The following SKAP1 variants were observed in gnomAD, a reference collection of about 807,000 sequenced individuals.
SKAP1 encodes the protein src kinase associated phosphoprotein 1.
In SKAP1, 44 loss-of-function variants were observed where a neutral mutation model predicts 58.5. The ratio of observed to expected loss-of-function variants is 0.75; its 90% CI spans 0.59 to 0.97. SKAP1 has a LOEUF of 0.97. Among genes scored for constraint, SKAP1 ranks in the 50% least tolerant of loss-of-function variants. The pLI is 0.00. For synonymous variants in SKAP1, 127 were observed against 149.7 expected, an observed-to-expected ratio of 0.85 and a Z score of 1.11; for missense variants, 390 against 435.2, an observed-to-expected ratio of 0.90 and a Z score of 0.92.
intron 11 of SKAP1, among the ~76,000 whole-genome samples, chr17:48,152,030 C>T (rs1414876881): frequency 6.6e-6 from 1 of 152,124 alleles, no homozygotes; most frequent in South Asian, 2.1e-4. Flanking sequence ...TTGTTCAAAT[C>T]TGAGGATTTA....
intron 4 of SKAP1, among the ~76,000 whole-genome samples, chr17:48,254,391 T>C (rs192599206): frequency 1.2e-3 from 188 of 152,302 alleles, no homozygotes; most frequent in African/African-American, 4.1e-3. Flanking sequence ...TTTAAATCTC[T>C]AAATCTTGCC....
In SKAP1 at chr17:48,354,069, G is replaced by T. The variant is rs145768248; in HGVS notation, c.179-8063C>A. Reference sequence around the variant, plus strand: ...TAAAAATAAAATAATACATAGTAAAGAATGGATTATGGGTAAGATTAGCAG... The same window carrying T: ...TAAAAATAAAATAATACATAGTAAATAATGGATTATGGGTAAGATTAGCAG... On this transcript the variant is annotated intron_variant, in intron 3 of 12. Transcript: ENST00000336915. Among the ~76,000 whole-genome samples the T allele has an allele frequency of 4.2e-3, 640 of 152,272 alleles. 9 individuals carry two copies. The highest frequency in any genetic ancestry group is 0.014 in the African/African-American group (594 of 41,562).
At chr17:48,166,458 T>C (rs2064141406) in intron 10 of SKAP1, among the ~76,000 whole-genome samples, 2 of 152,082 alleles carry the variant, frequency 1.3e-5, no homozygotes, top group African/African-American at 2.4e-5. Context: ...AGTTTTAAGG[T>C]AAAAAGGACC....
chr17:48,326,948 G>A (rs978839515), intron 4 of SKAP1, among the ~76,000 whole-genome samples: 1 of 145,558 alleles, frequency 6.9e-6, no homozygotes, highest in Non-Finnish European at 1.5e-5. Context: ...CTGGAGTGCA[G>A]TGGCGTGACC....
At chr17:48,275,166 C>T (rs1347840521) in intron 4 of SKAP1, among the ~76,000 whole-genome samples, 1 of 152,188 alleles carries the variant, frequency 6.6e-6, no homozygotes, top group Non-Finnish European at 1.5e-5. Flanking sequence ...CCCATTACTT[C>T]CTCAACCATG....
chr17:48,221,577 T>C (rs2065006950), intron 4 of SKAP1, among the ~76,000 whole-genome samples: 1 of 152,234 alleles, frequency 6.6e-6, no homozygotes, highest in Admixed American at 6.5e-5. Context: ...GGTTTAAACC[T>C]TCAAGTACTG....
At chr17:48,435,750 G>A in the SKAP1 span, among the ~76,000 whole-genome samples, 1 of 152,156 alleles carries the variant, frequency 6.6e-6, no homozygotes, top group Non-Finnish European at 1.5e-5. Context: ...CAGAGTTGGA[G>A]CAGGGGGATT....
At chr17:48,156,975 CAA>C (rs1306261591) in intron 11 of SKAP1, among the ~76,000 whole-genome samples, 1 of 152,040 alleles carries the variant, frequency 6.6e-6, no homozygotes, top group Non-Finnish European at 1.5e-5. Context: ...AACACTGATC[CAA>C]AAGTTTATTA....
intron 11 of SKAP1, 101 bp downstream of exon 11, chr17:48,162,368 G>C: frequency 1.6e-6 from 1 of 620,126 alleles, no homozygotes; most frequent in Non-Finnish European, 2.7e-6. Context: ...TTGTGAGGGA[G>C]CCATGGGAAG....
chr17:48,350,755 C>T (rs1485386068), intron 3 of SKAP1, among the ~76,000 whole-genome samples: 1 of 152,018 alleles, frequency 6.6e-6, no homozygotes, highest in African/African-American at 2.4e-5. Flanking sequence ...CTAGGGTTTG[C>T]TATTACTTCA....
chr17:48,252,213 C>T (rs1407833044), intron 4 of SKAP1, among the ~76,000 whole-genome samples: 2 of 145,360 alleles, frequency 1.4e-5, no homozygotes, highest in Non-Finnish European at 3.0e-5. Flanking sequence ...TATATGTAAG[C>T]GAGAATGGGG....
In SKAP1 at chr17:48,269,050, T is replaced by A. The variant is rs548309306; in HGVS notation, c.280+76855A>T. ...ATTTTAGATGTAATATACTAATATA[T>A]AATAAATAATGCACCACAAGTAGAA... On this transcript the variant is annotated intron_variant, in intron 4 of 12. Transcript: ENST00000336915. 1.1e-3 allele frequency among the ~76,000 whole-genome samples: 167 copies of A among 152,108 alleles called. 1 individual carries two copies. The highest frequency in any genetic ancestry group is 3.9e-3 in the African/African-American group (161 of 41,486).
chr17:48,349,894 T>A (rs897026296), intron 3 of SKAP1, among the ~76,000 whole-genome samples: 4 of 152,198 alleles, frequency 2.6e-5, no homozygotes, highest in African/African-American at 9.6e-5. Flanking sequence ...GTTAATGAGT[T>A]TTCCCCCTTA....
chr17:48,407,929 G>C (rs60352246), intron 1 of SKAP1, among the ~76,000 whole-genome samples: 6,720 of 151,298 alleles, frequency 0.044, 310 homozygotes, highest in South Asian at 0.25. Context: ...TTTTTCAGAG[G>C]GGGGGGAATC....
chr17:48,394,210 G>T (rs2067386503), intron 2 of SKAP1, among the ~76,000 whole-genome samples: 2 of 152,046 alleles, frequency 1.3e-5, no homozygotes, highest in African/African-American at 4.8e-5. Flanking sequence ...GCCACAGAGT[G>T]AGACTCTGTC....
intron 2 of SKAP1, among the ~76,000 whole-genome samples, chr17:48,386,771 T>A (rs1407695729): frequency 6.6e-6 from 1 of 152,208 alleles, no homozygotes; most frequent in Non-Finnish European, 1.5e-5. Flanking sequence ...CATGAGGGGC[T>A]TTTTCTTCTA....
intron 3 of SKAP1, among the ~76,000 whole-genome samples, chr17:48,359,645 C>T (rs941992189): frequency 7.9e-5 from 12 of 152,090 alleles, no homozygotes; most frequent in African/African-American, 2.7e-4. Context: ...CTCGCTCGGT[C>T]TCCTATGCTG....
At chr17:48,441,164 T>C in the SKAP1 span, among the ~76,000 whole-genome samples, 12 of 152,254 alleles carry the variant, frequency 7.9e-5, no homozygotes, top group African/African-American at 2.9e-4. Context: ...TAAGATGAGA[T>C]TCATAGGGTT....
chr17:48,151,841 T>C (rs2063906872), intron 11 of SKAP1, among the ~76,000 whole-genome samples: 1 of 152,116 alleles, frequency 6.6e-6, no homozygotes, highest in African/African-American at 2.4e-5. Context: ...AAGAAAAAAA[T>C]ATTTTTCATT....
Sources: allele counts gnomAD v4.1 joint callset (sites outside exome capture counted in the v4.1 genomes callset), GRCh38; gene constraint gnomAD v4.1.1; transcripts MANE v1.5; gene names NCBI Gene and HGNC (gene_info 2026-07-23, HGNC 2026-07-21).